Variants in ATG16L2 observed in about 807,000 individuals in gnomAD.
The protein encoded by ATG16L2 is autophagy related 16 like 2, also known as protein Atg16l2.
A neutral mutation model predicts 84.7 loss-of-function variants in ATG16L2; 77 were observed. That is an observed-to-expected ratio of 0.91 (90% confidence interval 0.76 to 1.10). The LOEUF (loss-of-function observed/expected upper bound fraction) is 1.10. Among genes scored for constraint, ATG16L2 ranks in the 50% least tolerant of loss-of-function variants. ATG16L2 has a pLI of 0.00. For synonymous variants in ATG16L2, 361 were observed against 342.8 expected, an observed-to-expected ratio of 1.05 and a Z score of -0.59; for missense variants, 782 against 817.6, an observed-to-expected ratio of 0.96 and a Z score of 0.53.
In ATG16L2 at chr11:72,822,468, A is replaced by C. The variant is rs371117094; in HGVS notation, c.645-10A>C. The C allele has an allele frequency of 1.7e-4, 276 of 1,612,672 alleles. No homozygotes were observed. The highest frequency in any genetic ancestry group is 1.1e-4 in the Non-Finnish European group (125 of 1,179,388). On this transcript the variant is annotated splice_polypyrimidine_tract_variant and intron_variant, in intron 5 of 17. Transcript: ENST00000321297. The surrounding 1 kb of genome is among the most constrained non-coding windows in gnomAD (Gnocchi z 4.2). ...GCGCCAGGGTCTCAGGATGCTTTTT[A>C]CCCAACAAGGGCCAAGCAGGCGCGG...
intron 1 of ATG16L2, 42 bp from the exon 2 acceptor site, chr11:72,816,686 G>C: frequency 1.3e-6 from 2 of 1,507,856 alleles, no homozygotes; most frequent in Non-Finnish European, 1.8e-6. Context: ...GGGCTGCTGG[G>C]TATCTGTCTC....
intron 3 of ATG16L2, chr11:72,819,027 C>T (rs935191586): frequency 3.3e-5 from 5 of 152,234 alleles, no homozygotes; most frequent in Non-Finnish European, 7.3e-5. Context: ...GGGCTGTGAG[C>T]TCCCCAAGCC....
At chr11:72,839,251 G>C (rs1337986581) in intron 5 of ATG16L2, among the ~76,000 whole-genome samples, 1 of 152,208 alleles carries the variant, frequency 6.6e-6, no homozygotes, top group Non-Finnish European at 1.5e-5. Flanking sequence ...TAGAAAGGTA[G>C]GCTAGGGTTA....
chr11:72,824,942 C>A, intron 9 of ATG16L2, 100 bp downstream of exon 9: 1 of 967,440 alleles, frequency 1.0e-6, no homozygotes, highest in Non-Finnish European at 1.5e-6. Flanking sequence ...GCCAGGGAAG[C>A]AAGGCTGGGC....
At chr11:72,823,607 T>G (rs1471313321) in intron 7 of ATG16L2, 1 of 428,384 alleles carries the variant, frequency 2.3e-6, no homozygotes, top group East Asian at 7.0e-5. Flanking sequence ...GGGAGGGGCA[T>G]GAGATGCCAG....
At chr11:72,829,010 C>T in intron 17 of ATG16L2, 26 bp downstream of exon 17, 2 of 1,605,452 alleles carry the variant, frequency 1.2e-6, no homozygotes, top group African/African-American at 2.7e-5. Flanking sequence ...ACCTGGCCAC[C>T]TGCCTGGCCC....
chr11:72,815,489 G>A (rs1203416879), intron 1 of ATG16L2, among the ~76,000 whole-genome samples: 1 of 152,110 alleles, frequency 6.6e-6, no homozygotes, highest in Non-Finnish European at 1.5e-5. Context: ...TGAGGGAGGG[G>A]GTCACCGCCC....
chr11:72,827,355 G>A (rs2135120584), intron 14 of ATG16L2, 62 bp downstream of exon 14: 1 of 1,401,646 alleles, frequency 7.1e-7, no homozygotes, highest in Non-Finnish European at 1.0e-6. Context: ...CCAAGTTCTT[G>A]TTCCTTTCTC....
Position 72,837,465 on chromosome 11 carries a change from GA to G in ATG16L2, c.*22-5138del, listed in dbSNP as rs377583611. ...CTGCAAATTTGATTTCTTAACCAAG[GA>G]AAAAAAAAAAAAACAAACCACAACC... On this transcript the variant is annotated intron_variant, in intron 5 of 5. Transcript: ENST00000534905. 3.4e-3 allele frequency: 440 copies of G among 128,488 alleles called. 2 individuals carry two copies. The highest frequency in any genetic ancestry group is 0.029 in the East Asian group (127 of 4,422). The allele number at this position is 128,488 out of a possible 1,614,324, so 8.0% of individuals were successfully genotyped here.
chr11:72,814,578 G>A lies in ATG16L2; in HGVS notation c.118+15G>A. ...GGTGCCGGCCTGTGAGTGCGCCCCG[G>A]TGCTGAGAGGATGGCGGCTGAGGGG... On this transcript the variant is annotated intron_variant, in intron 1 of 17. Transcript: ENST00000321297. 6.5e-7 allele frequency: 1 copy of A among 1,550,342 alleles called. No homozygotes were observed. The highest frequency in any genetic ancestry group is 8.8e-7 in the Non-Finnish European group (1 of 1,142,468).
At chr11:72,834,906 T>C (rs1313316064) in intron 5 of ATG16L2, among the ~76,000 whole-genome samples, 1 of 152,140 alleles carries the variant, frequency 6.6e-6, no homozygotes, top group African/African-American at 2.4e-5. Flanking sequence ...CCTTTACAAT[T>C]GAGGATGTGG....
At chr11:72,820,631 A>G (rs1488876419) in intron 3 of ATG16L2, among the ~76,000 whole-genome samples, 1 of 152,200 alleles carries the variant, frequency 6.6e-6, no homozygotes, top group Non-Finnish European at 1.5e-5. Context: ...ACTCACTCAC[A>G]TAGCGCGTCA....
At chr11:72,842,026 C>A (rs960078015) in intron 5 of ATG16L2, among the ~76,000 whole-genome samples, 14 of 152,188 alleles carry the variant, frequency 9.2e-5, no homozygotes, top group Non-Finnish European at 1.3e-4. Flanking sequence ...CAAACAAGAT[C>A]GGCAAACACG....
At chr11:72,827,410 G>A in intron 14 of ATG16L2, 117 bp downstream of exon 14, 1 of 809,182 alleles carries the variant, frequency 1.2e-6, no homozygotes, top group Non-Finnish European at 2.0e-6. Context: ...GGCAGGCAAG[G>A]CTGTGGGGCT....
intron 3 of ATG16L2, among the ~76,000 whole-genome samples, chr11:72,819,527 A>G (rs1026316556): frequency 6.6e-6 from 1 of 152,198 alleles, no homozygotes; most frequent in Non-Finnish European, 1.5e-5. Context: ...CTCTGTCCCC[A>G]TGGTTAGTGC....
chr11:72,843,036 C>T (rs1220245051), exon 6 of ATG16L2: 1 of 1,052,168 alleles, frequency 9.5e-7, no homozygotes, highest in African/African-American at 1.6e-5. Context: ...TAAAGAAAAG[C>T]ATATTATAGG....
downstream of ATG16L2, among the ~76,000 whole-genome samples, chr11:72,830,062 T>G (rs148427877): frequency 6.6e-6 from 1 of 152,170 alleles, no homozygotes; most frequent in Non-Finnish European, 1.5e-5. Flanking sequence ...GTCCGCGTTC[T>G]TCCTCCAGGG....
chr11:72,822,026 G>T lies in ATG16L2; in HGVS notation c.393-18G>T. On this transcript the variant is annotated intron_variant, in intron 4 of 17. Coordinates refer to ENST00000321297, the MANE Select transcript of ATG16L2 (RefSeq NM_033388.2). This position sits in a 1 kb window ranked among gnomAD's most constrained non-coding sequence, Gnocchi z 4.2. ...GGGGGAAGCTTGGGACCCGCTATCC[G>T]CTCTTTCCGTCCTCCAGGCTGGCAG... The T allele has an allele frequency of 1.3e-6, 2 of 1,487,628 alleles. No individual in the cohort carries two copies. Among genetic ancestry groups the T allele is most frequent in the Non-Finnish European group, 1.8e-6 (2 of 1,134,174 alleles). The allele number at this position is 1,487,628 out of a possible 1,614,324, so 92.2% of individuals were successfully genotyped here.
rs1173543002 is a variant in ATG16L2 at position 72,824,123 on chromosome 11, G to GT, written c.887+2dup. On this transcript the variant is annotated splice_donor_variant, in intron 8 of 17. Transcript: ENST00000321297. LOFTEE classifies it high-confidence loss of function. ...TGGATGTGGTGAAGGGGCTTCTGGA[G>GT]TAAGTGTGTGTGTGCCTGTGTGTGC... 1.9e-6 allele frequency: 3 copies of GT among 1,614,006 alleles called. No homozygotes were observed. The highest frequency in any genetic ancestry group is 2.5e-6 in the Non-Finnish European group (3 of 1,179,962).
Sources: gnomAD v4.1 joint callset for allele counts (sites outside exome capture counted in the v4.1 genomes callset) on GRCh38, gnomAD v4.1.1 for gene constraint, Gnocchi (gnomAD v3.1) non-coding constraint, MANE v1.5 for transcripts, NCBI Gene and HGNC (gene_info 2026-07-23, HGNC 2026-07-21) for gene names.